Variants in CNBD1 observed in about 807,000 individuals in gnomAD.
CNBD1 encodes cyclic nucleotide-binding domain-containing protein 1.
In CNBD1, 71 loss-of-function variants were observed where a neutral mutation model predicts 54.4. The observed-to-expected ratio is 1.30, with a 90% CI of 1.08 to 1.59. The LOEUF (loss-of-function observed/expected upper bound fraction) is 1.59, where lower values mean the gene tolerates loss of function less well. Ranked by LOEUF, CNBD1 falls within the 40% of genes most tolerant of loss-of-function variation. The pLI is 0.00. For missense variants in CNBD1, 659 were observed against 518.0 expected, an observed-to-expected ratio of 1.27 and a Z score of -2.64; for synonymous variants, 182 against 170.7, an observed-to-expected ratio of 1.07 and a Z score of -0.51.
rs1296858152 is a variant in CNBD1 at position 86,971,104 on chromosome 8, CT to C, written c.431+31351del. Among the ~76,000 whole-genome samples the C allele has an allele frequency of 2.0e-5, 3 of 152,190 alleles. No individual in the cohort carries two copies. In the East Asian group the frequency reaches 5.8e-4, roughly 29 times the overall value. ...TTCTGTGTATTAGTTTGTTTTCATA[CT>C]GCTATAAAGAACTATCTGAGACTGG... On this transcript the variant is annotated intron_variant, in intron 4 of 10. Coordinates refer to ENST00000518476, the MANE Select transcript of CNBD1 (RefSeq NM_173538.3).
rs144500196 is a variant in CNBD1 at position 87,352,446 on chromosome 8, C to T, written c.1152+652C>T. Among the ~76,000 whole-genome samples the T allele has an allele frequency of 4.8e-3, 666 of 138,960 alleles. 27 individuals are homozygous for T. The East Asian group carries it at 0.062, about 13-fold the overall frequency. The allele number at this position is 138,960 out of a possible 152,430, so 91.2% of individuals were successfully genotyped here. A position where few individuals can be genotyped will look rare whatever the true frequency, so the allele number is the denominator to read the frequency against. ...AGTGAGCCAAGATTGTGCCACTGCACTCCAGCCTGGCTACAGAGCAAGACT... is the reference window on the plus strand; with the variant it reads ...AGTGAGCCAAGATTGTGCCACTGCATTCCAGCCTGGCTACAGAGCAAGACT... On this transcript the variant is annotated intron_variant, in intron 9 of 10. Coordinates refer to ENST00000518476, the MANE Select transcript of CNBD1 (RefSeq NM_173538.3).
At chr8:86,965,397 C>T (rs1808045935) in intron 4 of CNBD1, among the ~76,000 whole-genome samples, 1 of 152,116 alleles carries the variant, frequency 6.6e-6, no homozygotes, top group Non-Finnish European at 1.5e-5. Context: ...TGCTAGACCT[C>T]CATGAAGTGA....
chr8:87,123,951 T>C (rs1465871198), intron 4 of CNBD1, among the ~76,000 whole-genome samples: 2 of 151,646 alleles, frequency 1.3e-5, no homozygotes, highest in Admixed American at 1.3e-4. Context: ...ATAGAAAATC[T>C]GAGAACAATG....
intron 4 of CNBD1, among the ~76,000 whole-genome samples, chr8:87,160,347 A>G (rs1292408191): frequency 1.3e-5 from 2 of 151,962 alleles, no homozygotes; most frequent in Non-Finnish European, 2.9e-5. Flanking sequence ...TTTACAATAC[A>G]TTTTTCTTTG....
intron 4 of CNBD1, among the ~76,000 whole-genome samples, chr8:87,203,301 ATACT>A (rs1360756771): frequency 3.3e-5 from 5 of 152,216 alleles, no homozygotes; most frequent in African/African-American, 9.6e-5. Flanking sequence ...ATGTACATAC[ATACT>A]ATTATACATT....
At chr8:86,942,501 C>T (rs1807348188) in intron 4 of CNBD1, among the ~76,000 whole-genome samples, 1 of 152,136 alleles carries the variant, frequency 6.6e-6, no homozygotes, top group African/African-American at 2.4e-5. Flanking sequence ...CTGACATCCC[C>T]ACTTTCATGA....
intron 8 of CNBD1, among the ~76,000 whole-genome samples, chr8:87,340,758 A>G (rs1025582908): frequency 3.3e-5 from 5 of 152,046 alleles, no homozygotes; most frequent in African/African-American, 9.7e-5. Context: ...CTGAGTTGTA[A>G]CATTTGATTC....
At chr8:86,984,766 A>T (rs545766749) in intron 4 of CNBD1, among the ~76,000 whole-genome samples, 1 of 152,208 alleles carries the variant, frequency 6.6e-6, no homozygotes, top group East Asian at 1.9e-4. Context: ...CCATACCCCC[A>T]TTGTATCTAG....
At chr8:86,906,277 C>T (rs1399504601) in intron 3 of CNBD1, among the ~76,000 whole-genome samples, 1 of 152,138 alleles carries the variant, frequency 6.6e-6, no homozygotes, top group Non-Finnish European at 1.5e-5. Context: ...ATTTCATTAT[C>T]CTATACCTTT....
chr8:87,343,033 A>G (rs1466232442), intron 8 of CNBD1, among the ~76,000 whole-genome samples: 4 of 152,114 alleles, frequency 2.6e-5, no homozygotes, highest in African/African-American at 4.8e-5. Context: ...GCTGCCATCT[A>G]TAGACCTACC....
rs562738401 is a variant in CNBD1, at chr8:87,328,140, C to T, written c.1043-23545C>T. 1.4e-3 allele frequency among the ~76,000 whole-genome samples: 215 copies of T among 152,078 alleles called. 2 individuals carry two copies. The highest frequency in any genetic ancestry group is 4.3e-3 in the African/African-American group (180 of 41,494). ...TCCTGATGCTCTCCTTCCCCGTGCC[C>T]CCAATCCCCCAACAGGCCCTGGTGT... On this transcript the variant is annotated intron_variant, in intron 8 of 10. Transcript: ENST00000518476.
intron 4 of CNBD1, among the ~76,000 whole-genome samples, chr8:87,073,309 A>G (rs1260041224): frequency 6.6e-6 from 1 of 152,042 alleles, no homozygotes. Context: ...CTGTCAATTC[A>G]GCCATTTTAG....
In CNBD1 at chr8:87,378,695, G is replaced by A. The variant is rs995847305; in HGVS notation, c.1304-3925G>A. On this transcript the variant is annotated intron_variant, in intron 10 of 10. Transcript: ENST00000518476. ...GTTTTTTCCAATTCTGCGAAGAAAGGCATTGGTAGCTTGATGGAGATGGCA... is the reference window on the plus strand; with the variant it reads ...GTTTTTTCCAATTCTGCGAAGAAAGACATTGGTAGCTTGATGGAGATGGCA... Among the ~76,000 whole-genome samples the A allele has an allele frequency of 4.0e-5, 6 of 150,930 alleles. No homozygotes were observed. In the East Asian group the frequency reaches 1.2e-3, roughly 29 times the overall value.
intron 4 of CNBD1, among the ~76,000 whole-genome samples, chr8:87,153,083 T>C (rs1812640105): frequency 6.6e-6 from 1 of 152,212 alleles, no homozygotes; most frequent in South Asian, 2.1e-4. Context: ...GGCTGTATGC[T>C]CGCATATGTC....
chr8:87,381,797 T>A (rs572701665), intron 10 of CNBD1, among the ~76,000 whole-genome samples: 1 of 151,940 alleles, frequency 6.6e-6, no homozygotes, highest in African/African-American at 2.4e-5. Context: ...TCTAAAATCG[T>A]CAAATTTATA....
intron 5 of CNBD1, among the ~76,000 whole-genome samples, chr8:87,216,861 A>G (rs551889805): frequency 1.3e-5 from 2 of 152,322 alleles, no homozygotes; most frequent in Admixed American, 6.5e-5. Flanking sequence ...AATATGTGGC[A>G]TTAATTGATA....
intron 5 of CNBD1, among the ~76,000 whole-genome samples, chr8:87,227,338 A>T (rs1252715666): frequency 6.9e-6 from 1 of 145,936 alleles, no homozygotes; most frequent in East Asian, 2.0e-4. Flanking sequence ...CCTAGTCTCG[A>T]TGGTCTTTAC....
chr8:87,323,640 G>T (rs982591488), intron 8 of CNBD1, among the ~76,000 whole-genome samples: 1 of 133,674 alleles, frequency 7.5e-6, no homozygotes, highest in Non-Finnish European at 1.7e-5. Flanking sequence ...TGTGATTTTT[G>T]TACATTGATT....
At chr8:87,118,157 T>C (rs1424483585) in intron 4 of CNBD1, among the ~76,000 whole-genome samples, 1 of 151,444 alleles carries the variant, frequency 6.6e-6, no homozygotes, top group Non-Finnish European at 1.5e-5. Flanking sequence ...CTACTAAAAA[T>C]ACAAAAAATT....
Sources: gnomAD v4.1 joint callset for allele counts (sites outside exome capture counted in the v4.1 genomes callset) on GRCh38, gnomAD v4.1.1 for gene constraint, MANE v1.5 for transcripts, NCBI Gene and HGNC (gene_info 2026-07-23, HGNC 2026-07-21) for gene names.